ACSL1: variants seen among roughly 807,000 people sequenced by gnomAD.
ACSL1 encodes acyl-CoA synthetase long chain family member 1, also known as long-chain-fatty-acid--CoA ligase 1.
ACSL1 carries 41 observed loss-of-function variants against 98.4 expected under a neutral mutation model. The observed-to-expected ratio is 0.42, with a 90% CI of 0.32 to 0.54. The LOEUF is 0.54. ACSL1 is among the 20% of genes least tolerant of loss of function. The pLI, the probability that ACSL1 is intolerant of heterozygous loss-of-function variation, is 0.13. For missense variants in ACSL1, 734 were observed against 883.1 expected, an observed-to-expected ratio of 0.83 and a Z score of 2.14; for synonymous variants, 316 against 322.7, an observed-to-expected ratio of 0.98 and a Z score of 0.22.
At chr4:184,793,219 G>A (rs1768724793) in intron 2 of ACSL1, among the ~76,000 whole-genome samples, 1 of 150,408 alleles carries the variant, frequency 6.6e-6, no homozygotes, top group South Asian at 2.1e-4. Context: ...AAAAGATAGT[G>A]AGTCAAACCC....
intron 1 of ACSL1, among the ~76,000 whole-genome samples, chr4:184,806,602 T>C (rs1771455842): frequency 1.3e-5 from 2 of 152,212 alleles, no homozygotes; most frequent in Admixed American, 6.5e-5. Context: ...GGGGATTAAT[T>C]TGTCTATTTT....
rs140526810 is a variant in ACSL1, at chr4:184,790,942, G to A, written c.196-2211C>T. 2.1e-4 allele frequency among the ~76,000 whole-genome samples: 32 copies of A among 152,282 alleles called. No homozygotes were observed. The East Asian group carries it at 5.4e-3, about 26-fold the overall frequency. On this transcript the variant is annotated intron_variant, in intron 2 of 20. Transcript: ENST00000281455. ...CACCAAACACACCGAAGGCACCAAGGCTAAGGTAGGAAGAGAAAGGGGGAA... is the reference window on the plus strand; with the variant it reads ...CACCAAACACACCGAAGGCACCAAGACTAAGGTAGGAAGAGAAAGGGGGAA...
Position 184,773,703 on chromosome 4 carries a change from A to T in ACSL1, c.801T>A (p.Pro267=). The T allele has an allele frequency of 6.2e-7, 1 of 1,609,242 alleles. No individual in the cohort carries two copies. Among genetic ancestry groups the T allele is most frequent in the Non-Finnish European group, 8.5e-7 (1 of 1,178,668 alleles). ...TGAAACAAATTACTGCAAGATCTTC[A>T]GGTGCTGGAGGCTAAAGATTAAAAA... ...ANRRKPKPPA[P]EDLAVICFTS... is the part of the protein sequence containing the mutation. The change falls in exon 9 of 21, where the codon CCT becomes CCA. Residue 267 remains proline, a synonymous_variant. Coordinates refer to ENST00000281455, the MANE Select transcript of ACSL1 (RefSeq NM_001995.5). This position sits in a 1 kb window ranked among gnomAD's most constrained non-coding sequence, Gnocchi z 4.3.
Position 184,791,107 on chromosome 4 carries a change from C to T in ACSL1, c.196-2376G>A, listed in dbSNP as rs146577909. Among the ~76,000 whole-genome samples, 6 of 152,338 alleles carry T rather than the reference C, an allele frequency of 3.9e-5. No homozygotes were observed. In the East Asian group the frequency reaches 5.8e-4, roughly 15 times the overall value. ...CTGGCCGCCCACAGGGAGGTCCTCACGATGCTCTGCTTACAAAGGTGCCTT... is the reference window on the plus strand; with the variant it reads ...CTGGCCGCCCACAGGGAGGTCCTCATGATGCTCTGCTTACAAAGGTGCCTT... On this transcript the variant is annotated intron_variant, in intron 2 of 20. Coordinates refer to ENST00000281455, the MANE Select transcript of ACSL1 (RefSeq NM_001995.5).
chr4:184,811,248 T>G (rs553449097), intron 1 of ACSL1, among the ~76,000 whole-genome samples: 1 of 151,902 alleles, frequency 6.6e-6, no homozygotes, highest in Non-Finnish European at 1.5e-5. Context: ...AGCTGGAACT[T>G]CAGGCACCCG....
At chr4:184,813,745 A>T (rs1227309161) in intron 1 of ACSL1, 1 of 426,882 alleles carries the variant, frequency 2.3e-6, no homozygotes, top group Non-Finnish European at 4.9e-6. Flanking sequence ...GCCCTGAAGC[A>T]AGAGACCACA....
chr4:184,802,319 G>C (rs1167554896), intron 2 of ACSL1, among the ~76,000 whole-genome samples: 1 of 152,020 alleles, frequency 6.6e-6, no homozygotes, highest in Non-Finnish European at 1.5e-5. Context: ...CTCCAGCCAG[G>C]GCTTTATGTG....
chr4:184,763,563 G>A (rs1176497637), intron 15 of ACSL1, among the ~76,000 whole-genome samples: 1 of 152,122 alleles, frequency 6.6e-6, no homozygotes, highest in Non-Finnish European at 1.5e-5. Flanking sequence ...CCTTCACTCG[G>A]CTTCCACCCT....
chr4:184,810,927 T>G (rs540032270), intron 1 of ACSL1, among the ~76,000 whole-genome samples: 1 of 152,256 alleles, frequency 6.6e-6, no homozygotes, highest in African/African-American at 2.4e-5. Flanking sequence ...ATCAGGAAAC[T>G]GTACAGGAGT....
chr4:184,788,503 C>T (rs1371369268), intron 3 of ACSL1, 114 bp downstream of exon 3: 2 of 816,282 alleles, frequency 2.5e-6, no homozygotes, highest in East Asian at 2.6e-5. Flanking sequence ...CACAGAGGGG[C>T]CTGAGCGATC....
intron 1 of ACSL1, among the ~76,000 whole-genome samples, chr4:184,814,247 TGCCACTGCTCTCCA>T (rs1772404869): frequency 7.6e-6 from 1 of 132,374 alleles, no homozygotes; most frequent in Non-Finnish European, 1.5e-5. Flanking sequence ...GCCAAGATCG[TGCCACTGCTCTCCA>T]GCCTGGGCGA....
chr4:184,815,119 G>A (rs368159362), intron 1 of ACSL1: 58 of 456,200 alleles, frequency 1.3e-4, no homozygotes, highest in East Asian at 9.0e-4. Flanking sequence ...GGTGCTCCAG[G>A]AATCTAGGGG....
At chr4:184,769,627 C>T (rs555268277) in intron 11 of ACSL1, among the ~76,000 whole-genome samples, 7 of 152,304 alleles carry the variant, frequency 4.6e-5, no homozygotes, top group Admixed American at 1.3e-4. Flanking sequence ...GGGATCTAAT[C>T]GCCTTCGATC....
chr4:184,820,263 C>T (rs1240149888), intron 1 of ACSL1, among the ~76,000 whole-genome samples: 1 of 152,190 alleles, frequency 6.6e-6, no homozygotes, highest in Non-Finnish European at 1.5e-5. Flanking sequence ...ATGATCCGCC[C>T]ACCTCGGCCT....
chr4:184,792,549 C>T (rs142770677), intron 2 of ACSL1, among the ~76,000 whole-genome samples: 125 of 152,256 alleles, frequency 8.2e-4, no homozygotes, highest in Non-Finnish European at 1.4e-3. Context: ...AAGCAATCCT[C>T]GCACTTAGCC....
At chr4:184,781,758 TGCCACCACACTCAGCTG>T (rs1766308759) in intron 4 of ACSL1, among the ~76,000 whole-genome samples, 1 of 152,158 alleles carries the variant, frequency 6.6e-6, no homozygotes, top group African/African-American at 2.4e-5. Flanking sequence ...TACAGGCACC[TGCCACCACACTCAGCTG>T]ATTTTTGTAT....
At chr4:184,783,481 T>C (rs1036583044) in intron 4 of ACSL1, among the ~76,000 whole-genome samples, 1 of 152,194 alleles carries the variant, frequency 6.6e-6, no homozygotes, top group Non-Finnish European at 1.5e-5. Flanking sequence ...TTGCTTCTGG[T>C]CCTGGTTCTG....
Position 184,789,635 on chromosome 4 carries a change from G to A in ACSL1, c.196-904C>T, listed in dbSNP as rs920718488. Among the ~76,000 whole-genome samples, 8 of 152,144 alleles carry A rather than the reference G, an allele frequency of 5.3e-5. No individual in the cohort carries two copies. In the East Asian group the frequency reaches 5.8e-4, roughly 11 times the overall value. On this transcript the variant is annotated intron_variant, in intron 2 of 20. Transcript: ENST00000281455. ...ATCGCTGTGCACCTTTCTCTAAGTC[G>A]TCTTCATCTGTTAGCTTCCTGAGTA... is the stretch of plus-strand genomic sequence containing the variant.
At chr4:184,779,323 G>T (rs62338200) in intron 5 of ACSL1, among the ~76,000 whole-genome samples, 10,031 of 152,060 alleles carry the variant, frequency 0.066, 433 homozygotes, top group Middle Eastern at 0.13. Flanking sequence ...TGCTTCTTCC[G>T]CATTTTCTCT....
Sources: gnomAD v4.1 joint callset for allele counts (sites outside exome capture counted in the v4.1 genomes callset) on GRCh38, gnomAD v4.1.1 for gene constraint, Gnocchi (gnomAD v3.1) non-coding constraint, MANE v1.5 for transcripts, NCBI Gene and HGNC (gene_info 2026-07-23, HGNC 2026-07-21) for gene names.